Variants in GLIS3 observed in about 807,000 individuals in gnomAD.
GLIS3 encodes GLIS family zinc finger 3.
GLIS3 carries 53 observed loss-of-function variants against 78.6 expected under a neutral mutation model. That is an observed-to-expected ratio of 0.67 (90% CI 0.54 to 0.85). GLIS3 has a LOEUF of 0.85. Ranked by LOEUF, GLIS3 falls within the 40% of genes least tolerant of loss-of-function variation. The pLI is 0.00. For synonymous variants in GLIS3, 684 were observed against 509.9 expected (o/e 1.34, Z -4.60); for missense variants, 1,703 against 1,231.1 (o/e 1.38, Z -5.74).
intron 2 of GLIS3, among the ~76,000 whole-genome samples, chr9:4,140,455 T>C (rs374504318): frequency 1.3e-5 from 2 of 152,234 alleles, no homozygotes; most frequent in Admixed American, 1.3e-4. Flanking sequence ...ATATTCTGCA[T>C]GGGCTTGCAA....
intron 2 of GLIS3, among the ~76,000 whole-genome samples, chr9:4,226,283 C>T (rs1451182673): frequency 6.6e-6 from 1 of 152,128 alleles, no homozygotes; most frequent in African/African-American, 2.4e-5. Context: ...TTAGATATAG[C>T]CTGCATTCTT....
At chr9:4,350,559 C>G (rs1195293463), upstream of GLIS3, among the ~76,000 whole-genome samples, 7 of 152,152 alleles carry the variant, frequency 4.6e-5, no homozygotes. Context: ...ATTTTAAAGT[C>G]TCTTTCAGAA....
chr9:3,853,227 G>GT (rs1484263887), intron 9 of GLIS3, among the ~76,000 whole-genome samples: 2 of 152,078 alleles, frequency 1.3e-5, no homozygotes, highest in African/African-American at 4.8e-5. Flanking sequence ...TGTTTTTAAT[G>GT]TGAGAGTTAA....
chr9:3,846,261 A>T (rs1015216101), intron 9 of GLIS3, among the ~76,000 whole-genome samples: 1 of 152,172 alleles, frequency 6.6e-6, no homozygotes, highest in African/African-American at 2.4e-5. Context: ...ATAATACTGT[A>T]TCAGTAGGCA....
At chr9:4,411,926 T>G in the GLIS3 span, among the ~76,000 whole-genome samples, 1 of 152,252 alleles carries the variant, frequency 6.6e-6, no homozygotes, top group South Asian at 2.1e-4. Flanking sequence ...TGTATGGTCC[T>G]AACTAGTTTA....
chr9:4,071,038 T>A (rs1464749618), intron 4 of GLIS3: 1 of 152,216 alleles, frequency 6.6e-6, no homozygotes, highest in Non-Finnish European at 1.5e-5. Flanking sequence ...TTATGATGCT[T>A]TGACCAATGT....
At chr9:4,231,455 GA>G (rs899038810) in intron 2 of GLIS3, among the ~76,000 whole-genome samples, 2 of 151,764 alleles carry the variant, frequency 1.3e-5, no homozygotes, top group Admixed American at 6.6e-5. Context: ...GAAAAGAATG[GA>G]AAAAAAATTA....
chr9:4,162,224 T>C (rs1835537736), intron 2 of GLIS3, among the ~76,000 whole-genome samples: 1 of 152,224 alleles, frequency 6.6e-6, no homozygotes, highest in Non-Finnish European at 1.5e-5. Context: ...CCTTCTTTTT[T>C]TAAGAACATC....
intron 1 of GLIS3, among the ~76,000 whole-genome samples, chr9:4,291,350 A>C (rs1473511952): frequency 6.6e-6 from 1 of 152,182 alleles, no homozygotes; most frequent in Admixed American, 6.5e-5. Flanking sequence ...TGTAATGAAC[A>C]TGAGGGACCT....
chr9:4,094,703 A>G lies in GLIS3; in HGVS notation c.1710+23065T>C, dbSNP rs558084547. Reference sequence around the variant, plus strand: ...AGGACCATGCCTGTACATTTCTTCTATTCTAAGACAACATGTTCTCATTTA... The same window carrying G: ...AGGACCATGCCTGTACATTTCTTCTGTTCTAAGACAACATGTTCTCATTTA... On this transcript the variant is annotated intron_variant, in intron 4 of 10. Coordinates refer to ENST00000381971, the MANE Select transcript of GLIS3 (RefSeq NM_001042413.2). Among the ~76,000 whole-genome samples, 90 of 152,294 alleles carry G rather than the reference A, an allele frequency of 5.9e-4. 1 individual carries two copies. Among genetic ancestry groups the G allele is most frequent in the East Asian group, 2.5e-3 (13 of 5,178 alleles).
intron 3 of GLIS3, among the ~76,000 whole-genome samples, 189 bp from the exon 4 acceptor site, chr9:4,119,070 T>G (rs1831985559): frequency 6.6e-6 from 1 of 152,196 alleles, no homozygotes; most frequent in South Asian, 2.1e-4. Context: ...AAATAACATT[T>G]TACCAAGAAG....
In GLIS3 at chr9:4,219,471, C is replaced by T. The variant is rs550055830; in HGVS notation, c.388+66567G>A. Among the ~76,000 whole-genome samples, 4 of 152,310 alleles carry T rather than the reference C, an allele frequency of 2.6e-5. No homozygotes were observed. The East Asian group carries it at 7.7e-4, about 29-fold the overall frequency. On this transcript the variant is annotated intron_variant, in intron 2 of 10. Coordinates refer to ENST00000381971, the MANE Select transcript of GLIS3 (RefSeq NM_001042413.2). ...TATACAAATGTCACTGTTTCCTATGCACATCAGGATACAAAAAGGGTTAAG... is the reference window on the plus strand; with the variant it reads ...TATACAAATGTCACTGTTTCCTATGTACATCAGGATACAAAAAGGGTTAAG...
chr9:3,845,562 T>C (rs149583647), intron 9 of GLIS3, among the ~76,000 whole-genome samples: 1 of 152,158 alleles, frequency 6.6e-6, no homozygotes, highest in Non-Finnish European at 1.5e-5. Flanking sequence ...TTTTATAATA[T>C]AAAAAGTCAG....
chr9:4,475,320 C>G, the GLIS3 span, among the ~76,000 whole-genome samples: 3 of 152,154 alleles, frequency 2.0e-5, no homozygotes, highest in African/African-American at 7.2e-5. Context: ...AGAAGAGGAG[C>G]TATCCAAATG....
chr9:4,163,587 T>G (rs1004539977), intron 2 of GLIS3, among the ~76,000 whole-genome samples: 2 of 152,232 alleles, frequency 1.3e-5, no homozygotes, highest in African/African-American at 2.4e-5. Context: ...CATGGCAGTT[T>G]GGAGTGTGAA....
the GLIS3 span, among the ~76,000 whole-genome samples, chr9:4,359,481 A>T: frequency 6.6e-6 from 1 of 152,140 alleles, no homozygotes; most frequent in Non-Finnish European, 1.5e-5. Flanking sequence ...CCCCTTGGTG[A>T]GCTACTGCCC....
intron 7 of GLIS3, among the ~76,000 whole-genome samples, chr9:3,890,627 A>C (rs1027693523): frequency 2.0e-5 from 3 of 152,112 alleles, no homozygotes; most frequent in African/African-American, 7.2e-5. Flanking sequence ...ATTATTATAG[A>C]AAAGGAAAAG....
At chr9:4,270,224 C>T (rs1290285714) in intron 2 of GLIS3, among the ~76,000 whole-genome samples, 1 of 152,220 alleles carries the variant, frequency 6.6e-6, no homozygotes, top group Admixed American at 6.5e-5. Flanking sequence ...AGGCCCTTGA[C>T]AGAAATTACT....
At chr9:3,855,859 C>T (rs900559551) in intron 9 of GLIS3, 150 bp downstream of exon 9, 3 of 828,326 alleles carry the variant, frequency 3.6e-6, no homozygotes, top group African/African-American at 1.7e-5. Flanking sequence ...GATTTCATGC[C>T]TATCAAGTGT....
Sources: gnomAD v4.1 joint callset for allele counts (sites outside exome capture counted in the v4.1 genomes callset) on GRCh38, gnomAD v4.1.1 for gene constraint, MANE v1.5 for transcripts, NCBI Gene and HGNC (gene_info 2026-07-23, HGNC 2026-07-21) for gene names.